The following BCL2 variants were observed in gnomAD, a reference collection of about 807,000 sequenced individuals.
BCL2 encodes the protein apoptosis regulator Bcl-2.
In BCL2, 1 loss-of-function variant was observed where a neutral mutation model predicts 14.2. The observed-to-expected ratio is 0.07, with a 90% CI of 0.02 to 0.33. The LOEUF (loss-of-function observed/expected upper bound fraction) is 0.33. Among genes scored for constraint, BCL2 ranks in the 10% least tolerant of loss-of-function variants. The pLI, the probability that BCL2 is intolerant of heterozygous loss-of-function variation, is 0.99. For synonymous variants in BCL2, 151 were observed against 137.2 expected, an observed-to-expected ratio of 1.10 and a Z score of -0.70; for missense variants, 247 against 305.9, an observed-to-expected ratio of 0.81 and a Z score of 1.44.
intron 2 of BCL2, among the ~76,000 whole-genome samples, chr18:63,184,856 C>T (rs1003964983): frequency 2.6e-5 from 4 of 152,192 alleles, no homozygotes; most frequent in African/African-American, 9.7e-5. Context: ...AATTTCTACC[C>T]TTCTTCTTGA....
At chr18:63,233,586 G>A (rs899631589) in intron 2 of BCL2, among the ~76,000 whole-genome samples, 1 of 152,108 alleles carries the variant, frequency 6.6e-6, no homozygotes, top group Non-Finnish European at 1.5e-5. Flanking sequence ...ATAGGGTTGC[G>A]CTCCTATGAG....
chr18:63,203,577 G>A (rs542751518), intron 2 of BCL2, among the ~76,000 whole-genome samples: 8 of 152,272 alleles, frequency 5.3e-5, no homozygotes, highest in East Asian at 1.9e-4. Flanking sequence ...ATGGGACAAC[G>A]TCAAGTTTAT....
At chr18:63,153,091 G>A (rs1178993731) in intron 2 of BCL2, among the ~76,000 whole-genome samples, 1 of 152,148 alleles carries the variant, frequency 6.6e-6, no homozygotes, top group Non-Finnish European at 1.5e-5. Context: ...ACACATTAGA[G>A]TCAGACAGAT....
At chr18:63,303,467 T>C (rs1361821964) in intron 2 of BCL2, among the ~76,000 whole-genome samples, 1 of 152,236 alleles carries the variant, frequency 6.6e-6, no homozygotes, top group African/African-American at 2.4e-5. Flanking sequence ...CTAACTGGCT[T>C]CCTAAAGAAC....
chr18:63,284,281 T>G (rs750124620), intron 2 of BCL2, among the ~76,000 whole-genome samples: 5 of 152,190 alleles, frequency 3.3e-5, no homozygotes, highest in Non-Finnish European at 7.4e-5. Flanking sequence ...CAGGACTGAC[T>G]GGGAGCGCAT....
At chr18:63,159,214 C>CT (rs1463356915) in intron 2 of BCL2, among the ~76,000 whole-genome samples, 1 of 152,186 alleles carries the variant, frequency 6.6e-6, no homozygotes, top group African/African-American at 2.4e-5. Context: ...GAAACTCCAT[C>CT]TACAAACGTG....
chr18:63,144,579 C>T (rs945549288), intron 2 of BCL2, among the ~76,000 whole-genome samples: 9 of 151,934 alleles, frequency 5.9e-5, no homozygotes, highest in Admixed American at 2.0e-4. Context: ...CAGGAAGTCC[C>T]GAGGAGTGAC....
At chr18:63,167,841 A>G (rs527656027) in intron 2 of BCL2, among the ~76,000 whole-genome samples, 1 of 152,054 alleles carries the variant, frequency 6.6e-6, no homozygotes, top group East Asian at 1.9e-4. Flanking sequence ...TAGGAGAATC[A>G]TTTAAACCCG....
chr18:63,277,840 T>C (rs1023062953), intron 2 of BCL2, among the ~76,000 whole-genome samples: 4 of 152,108 alleles, frequency 2.6e-5, no homozygotes, highest in African/African-American at 9.7e-5. Flanking sequence ...AAAATAACTA[T>C]ATTTTCAGGA....
intron 2 of BCL2, among the ~76,000 whole-genome samples, chr18:63,201,303 C>A (rs1909683477): frequency 6.6e-6 from 1 of 152,116 alleles, no homozygotes; most frequent in Admixed American, 6.5e-5. Flanking sequence ...GTCTTAAGAC[C>A]CAAATTCCTG....
At chr18:63,205,957 G>A (rs1303923060) in intron 2 of BCL2, among the ~76,000 whole-genome samples, 1 of 152,200 alleles carries the variant, frequency 6.6e-6, no homozygotes, top group Non-Finnish European at 1.5e-5. Context: ...GGCTTTCCCT[G>A]TAGTCCATTT....
intron 2 of BCL2, among the ~76,000 whole-genome samples, chr18:63,287,309 G>A (rs145354962): frequency 5.9e-5 from 9 of 152,268 alleles, no homozygotes; most frequent in Non-Finnish European, 1.2e-4. Context: ...CTGAAGCTTG[G>A]AGAAACTAAG....
At chr18:63,164,805 A>T (rs1915004315) in intron 2 of BCL2, among the ~76,000 whole-genome samples, 1 of 152,258 alleles carries the variant, frequency 6.6e-6, no homozygotes, top group South Asian at 2.1e-4. Flanking sequence ...CGTGAACGTC[A>T]GCGTTCAAGG....
At chr18:63,273,681 C>T (rs966161887) in intron 2 of BCL2, among the ~76,000 whole-genome samples, 1 of 152,132 alleles carries the variant, frequency 6.6e-6, no homozygotes, top group Admixed American at 6.5e-5. Context: ...AGGTTCCTCC[C>T]AGTTCTAACC....
intron 2 of BCL2, among the ~76,000 whole-genome samples, chr18:63,197,775 AT>A (rs1480613107): frequency 6.6e-6 from 1 of 152,020 alleles, no homozygotes; most frequent in East Asian, 1.9e-4. Flanking sequence ...GTCACCAAAT[AT>A]TTTGAATTCA....
chr18:63,138,702 T>C (rs372562075), intron 2 of BCL2, among the ~76,000 whole-genome samples: 15 of 152,274 alleles, frequency 9.9e-5, no homozygotes, highest in African/African-American at 3.4e-4. Flanking sequence ...GCCAATGACA[T>C]TCGTGAAACC....
chr18:63,125,170 T>A lies in BCL2; in HGVS notation c.*3455A>T, dbSNP rs1043472752. The A allele has an allele frequency of 1.3e-5, 3 of 222,578 alleles. No individual in the cohort carries two copies. The highest frequency in any genetic ancestry group is 2.7e-5 in the Non-Finnish European group (3 of 111,414). 13.8% of individuals were successfully genotyped at this position (222,578 alleles called of 1,614,324 possible). A position where few individuals can be genotyped will look rare whatever the true frequency, so the allele number is the denominator to read the frequency against. On this transcript the variant is annotated 3_prime_UTR_variant, in exon 3 of 3. Transcript: ENST00000333681. ...GGGCCAGAGCTACATCTTTAGATGA[T>A]AAGCATTTACTAATAAAACAAAGAT...
chr18:63,222,341 T>G (rs1401766112), intron 2 of BCL2, among the ~76,000 whole-genome samples: 1 of 127,392 alleles, frequency 7.8e-6, no homozygotes, highest in Non-Finnish European at 1.7e-5. Flanking sequence ...AAAGGAAAAA[T>G]ATCTGAGGTT....
At chr18:63,259,700 C>T (rs1361069388) in intron 2 of BCL2, among the ~76,000 whole-genome samples, 3 of 152,216 alleles carry the variant, frequency 2.0e-5, no homozygotes, top group Non-Finnish European at 2.9e-5. Flanking sequence ...TTTTCCCATT[C>T]CATATTGCAG....
Sources: gnomAD v4.1 joint callset for allele counts (sites outside exome capture counted in the v4.1 genomes callset) on GRCh38, gnomAD v4.1.1 for gene constraint, MANE v1.5 for transcripts, NCBI Gene and HGNC (gene_info 2026-07-23, HGNC 2026-07-21) for gene names.